Variants in MAOB observed in about 807,000 individuals in gnomAD.
MAOB encodes amine oxidase [flavin-containing] B.
In MAOB, 15 loss-of-function variants were observed where a neutral mutation model predicts 41.9. The ratio of observed to expected loss-of-function variants is 0.36; its 90% CI spans 0.24 to 0.55. The LOEUF (loss-of-function observed/expected upper bound fraction) is 0.55. Among genes scored for constraint, MAOB ranks in the 20% least tolerant of loss-of-function variants. The probability of loss-of-function intolerance (pLI) is 0.86; values close to 1 mark genes in which losing one functional copy is unlikely to be tolerated. For missense variants in MAOB, 345 were observed against 398.7 expected, an observed-to-expected ratio of 0.87 and a Z score of 1.15; for synonymous variants, 167 against 144.2, an observed-to-expected ratio of 1.16 and a Z score of -1.13.
chrX:43,843,982 T>C (rs1180723041), intron 1 of MAOB: 3 of 895,641 alleles, frequency 3.3e-6, no homozygotes, highest in African/African-American at 4.1e-5. Flanking sequence ...TTCTCAAATC[T>C]TAAACACATC....
At chrX:43,850,370 A>T (rs1175270563) in intron 1 of MAOB, 2 of 747,507 alleles carry the variant, frequency 2.7e-6, no homozygotes, top group Non-Finnish European at 3.2e-6. Flanking sequence ...GGACTGTATC[A>T]TTAGAGGAAT....
At chrX:43,872,429 A>G (rs187168491) in intron 1 of MAOB, among the ~76,000 whole-genome samples, 9 of 111,920 alleles carry the variant, frequency 8.0e-5, no homozygotes, top group Non-Finnish European at 1.5e-4. Flanking sequence ...AATGGCTAAG[A>G]AGTCCATTAT....
chrX:43,843,048 T>A (rs2035157282), intron 2 of MAOB, among the ~76,000 whole-genome samples: 1 of 110,877 alleles, frequency 9.0e-6, no homozygotes, highest in Non-Finnish European at 1.9e-5. Flanking sequence ...AATAACAGAG[T>A]AAATTTCAAA....
intron 5 of MAOB, among the ~76,000 whole-genome samples, 156 bp downstream of exon 5, chrX:43,802,016 G>A (rs765232818): frequency 8.9e-6 from 1 of 112,872 alleles, no homozygotes; most frequent in Non-Finnish European, 1.9e-5. Context: ...ATATCTTCAG[G>A]GTAGGAGCCA....
intron 8 of MAOB, among the ~76,000 whole-genome samples, chrX:43,789,935 G>C (rs1292835024): frequency 1.8e-5 from 2 of 111,913 alleles, no homozygotes; most frequent in Non-Finnish European, 3.8e-5. Flanking sequence ...GGGATTGGGT[G>C]GGGGGTGTGG....
At chrX:43,877,794 C>T (rs768529384) in intron 1 of MAOB, among the ~76,000 whole-genome samples, 6 of 111,583 alleles carry the variant, frequency 5.4e-5, no homozygotes, top group South Asian at 3.7e-4. Context: ...AGGCCCCTTG[C>T]GGGGGGATAA....
At chrX:43,808,069 A>G (rs1366045676) in intron 3 of MAOB, among the ~76,000 whole-genome samples, 1 of 111,087 alleles carries the variant, frequency 9.0e-6, no homozygotes, top group Non-Finnish European at 1.9e-5. Flanking sequence ...TGGGTGTGGG[A>G]TGGAACTTAA....
At chrX:43,767,750 T>G in intron 14 of MAOB, 132 bp from the exon 15 acceptor site, 2 of 516,534 alleles carry the variant, frequency 3.9e-6, no homozygotes, top group Non-Finnish European at 6.0e-6. Context: ...ATGTTCCCTC[T>G]GCTTATACTG....
At chrX:43,858,931 C>A (rs1445581243) in intron 1 of MAOB, among the ~76,000 whole-genome samples, 1 of 111,485 alleles carries the variant, frequency 9.0e-6, no homozygotes, top group Non-Finnish European at 1.9e-5. Flanking sequence ...GAAGACAAGG[C>A]CTCAAATGGA....
At position 43,769,361 on chromosome X, in the gene MAOB, G is replaced by C. The variant is rs1050945927; in HGVS notation, c.1293C>G (p.His431Gln). The part of the protein sequence containing the change: ...IYFAGTETAT[H>Q]WSGYMEGAVE... The stretch of plus-strand genomic sequence containing the variant: ...CAGCCCCCTCCATGTAGCCGCTCCA[G>C]TGTGTGGCAGTCTCGGTGCCTGCAA... Residue 431 changes from histidine (H) to glutamine (Q), a missense_variant, in exon 13 of 15, where the codon CAC becomes CAG. Transcript: ENST00000378069. The C allele has an allele frequency of 5.8e-6, 7 of 1,209,858 alleles. No homozygotes were observed. The highest frequency in any genetic ancestry group is 6.7e-6 in the Non-Finnish European group (6 of 894,917).
chrX:43,826,176 AAT>A (rs776109283), intron 3 of MAOB, among the ~76,000 whole-genome samples: 19 of 112,272 alleles, frequency 1.7e-4, no homozygotes, highest in Non-Finnish European at 3.2e-4. Context: ...GGACAAAGAA[AAT>A]AGTCTTTATT....
Position 43,797,140 on chromosome X carries a change from T to C in MAOB, c.603A>G (p.Thr201=). The C allele has an allele frequency of 1.7e-6, 2 of 1,208,787 alleles. No homozygotes were observed. Among genetic ancestry groups the C allele is most frequent in the Middle Eastern group, 2.3e-4 (1 of 4,346 alleles). ...QCGGTTRIIS[T]TNGGQERKFV... ...GGATGGGTACCTGTCCTCCATTTGT[T>C]GTCGAGATGATTCTTGTTGTGCCTC... Residue 201 remains threonine (T), a synonymous_variant, in exon 6 of 15, where the codon ACA becomes ACG. Coordinates refer to ENST00000378069, the MANE Select transcript of MAOB (RefSeq NM_000898.5).
Position 43,882,355 on chromosome X carries a change from C to A in MAOB, c.-56G>T, listed in dbSNP as rs932236436. On this transcript the variant is annotated 5_prime_UTR_variant, in exon 1 of 15. Transcript: ENST00000378069. ...GCCCGCTGCTCCGTTTTCTGGGCCT[C>A]GATCCCAGTCCTGCCTGCCAGCCAG... 1 of 1,172,396 alleles carries A rather than the reference C, an allele frequency of 8.5e-7. No individual in the cohort carries two copies. Among genetic ancestry groups the A allele is most frequent in the Non-Finnish European group, 1.1e-6 (1 of 877,355 alleles).
chrX:43,801,659 T>G (rs1206006243), intron 5 of MAOB, among the ~76,000 whole-genome samples: 3 of 112,359 alleles, frequency 2.7e-5, no homozygotes, highest in Non-Finnish European at 5.6e-5. Flanking sequence ...AGGTACTTGT[T>G]TTTTCACTAA....
At chrX:43,795,635 T>C (rs1432667327) in intron 7 of MAOB, 104 bp downstream of exon 7, 9 of 672,610 alleles carry the variant, frequency 1.3e-5, no homozygotes, top group Middle Eastern at 4.8e-4. Context: ...CCATCAATCA[T>C]TGGCATCAAA....
At chrX:43,784,619 C>A (rs1024297362) in intron 8 of MAOB, among the ~76,000 whole-genome samples, 1 of 112,071 alleles carries the variant, frequency 8.9e-6, no homozygotes, top group Non-Finnish European at 1.9e-5. Context: ...TGTTTGATAG[C>A]ATTTATAGAG....
chrX:43,877,539 GAT>G (rs1233695300), intron 1 of MAOB, among the ~76,000 whole-genome samples: 3 of 111,636 alleles, frequency 2.7e-5, no homozygotes, highest in African/African-American at 9.8e-5. Flanking sequence ...GATAACGCTT[GAT>G]ATGCTACCTT....
chrX:43,804,051 GGAT>G (rs2034631634), intron 3 of MAOB, among the ~76,000 whole-genome samples: 1 of 111,403 alleles, frequency 9.0e-6, no homozygotes, highest in Non-Finnish European at 1.9e-5. Context: ...ATTGTTCCAA[GGAT>G]TTAAAATAAA....
intron 3 of MAOB, among the ~76,000 whole-genome samples, chrX:43,824,781 G>A (rs752669930): frequency 2.6e-5 from 3 of 113,321 alleles, no homozygotes; most frequent in African/African-American, 9.6e-5. Context: ...AGAAGAAATA[G>A]ACACAGACAT....
Sources: allele counts gnomAD v4.1 joint callset (sites outside exome capture counted in the v4.1 genomes callset), GRCh38; gene constraint gnomAD v4.1.1; transcripts MANE v1.5; gene names NCBI Gene and HGNC (gene_info 2026-07-23, HGNC 2026-07-21).